The following EFR3B variants were observed in gnomAD, a reference collection of about 807,000 sequenced individuals.
The protein encoded by EFR3B is protein EFR3 homolog B.
In EFR3B, 64 loss-of-function variants were observed where a neutral mutation model predicts 104.7. The ratio of observed to expected loss-of-function variants is 0.61; its 90% CI spans 0.50 to 0.75. The LOEUF is 0.75. Among genes scored for constraint, EFR3B ranks in the 30% least tolerant of loss-of-function variants. The probability of loss-of-function intolerance (pLI) is 0.00; values close to 1 mark genes in which losing one functional copy is unlikely to be tolerated. For synonymous variants in EFR3B, 385 were observed against 417.9 expected (o/e 0.92, Z 0.96); for missense variants, 750 against 1,078.5 (o/e 0.70, Z 4.27).
intron 5 of EFR3B, 63 bp from the exon 6 acceptor site, chr2:25,128,120 A>C: frequency 6.5e-7 from 1 of 1,537,556 alleles, no homozygotes; most frequent in Non-Finnish European, 8.8e-7. Context: ...TCTCTTAGCC[A>C]CCGAAGCTGG....
rs1669261891 is a variant in EFR3B, at chr2:25,095,867, G to T, written c.212+2737G>T. 2.6e-5 allele frequency among the ~76,000 whole-genome samples: 4 copies of T among 152,100 alleles called. No homozygotes were observed. The South Asian group carries it at 8.3e-4, about 32-fold the overall frequency. On this transcript the variant is annotated intron_variant, in intron 3 of 22. Coordinates refer to ENST00000403714, the MANE Select transcript of EFR3B (RefSeq NM_014971.2). ...CACAATAAAAAACATGAACTGCAGA[G>T]CACGTTGTGTTTGCTCCCCAACCAT...
chr2:25,125,723 A>C (rs34517663), intron 5 of EFR3B, among the ~76,000 whole-genome samples: 2,010 of 152,202 alleles, frequency 0.013, 24 homozygotes, highest in Non-Finnish European at 0.016. Context: ...CCAAGGCGGG[A>C]GGATCACAAG....
chr2:25,141,040 C>CAAAA (rs78559860), intron 16 of EFR3B, among the ~76,000 whole-genome samples: 3 of 74,392 alleles, frequency 4.0e-5, no homozygotes, highest in African/African-American at 5.8e-5. Flanking sequence ...GACTCCGTCT[C>CAAAA]AAAAAAAAAA....
At chr2:25,142,890 C>T (rs1670710594) in intron 17 of EFR3B, among the ~76,000 whole-genome samples, 1 of 150,294 alleles carries the variant, frequency 6.7e-6, no homozygotes. Flanking sequence ...TATGATGGTG[C>T]CTGTGAATAG....
intron 3 of EFR3B, among the ~76,000 whole-genome samples, chr2:25,099,411 A>G (rs925859812): frequency 2.6e-5 from 4 of 152,178 alleles, no homozygotes; most frequent in Non-Finnish European, 2.9e-5. Flanking sequence ...TATTTGAAAG[A>G]CATTCTGTGG....
Position 25,081,002 on chromosome 2 carries a change from A to G in EFR3B, c.8-10323A>G, listed in dbSNP as rs987037827. 5 of 757,336 alleles carry G rather than the reference A, an allele frequency of 6.6e-6. No individual in the cohort carries two copies. The African/African-American group carries it at 6.8e-5, about 10-fold the overall frequency. 46.9% of individuals were successfully genotyped at this position (757,336 alleles called of 1,614,324 possible). A position where few individuals can be genotyped will look rare whatever the true frequency, so the allele number is the denominator to read the frequency against. On this transcript the variant is annotated intron_variant, in intron 1 of 22. Coordinates refer to ENST00000403714, the MANE Select transcript of EFR3B (RefSeq NM_014971.2). The stretch of plus-strand genomic sequence containing the variant: ...CAATATCAACAGGTTCTTTAATTGC[A>G]TCAGGAGTCTCAGCAGCAACATCTG...
chr2:25,080,282 G>GATTTTTTTTTTTTTTTTTT, intron 1 of EFR3B: 1 of 177,034 alleles, frequency 5.6e-6, no homozygotes, highest in Non-Finnish European at 9.9e-6. Context: ...CCTCCCCAAA[G>GATTTTTTTTTTTTTTTTTT]CTTTTTTTTT....
chr2:25,119,155 A>G (rs1308687033), intron 4 of EFR3B, among the ~76,000 whole-genome samples: 2 of 152,212 alleles, frequency 1.3e-5, no homozygotes, highest in African/African-American at 4.8e-5. Context: ...TTCGAAGTAG[A>G]CATAGTATAT....
At chr2:25,098,868 G>T (rs1669354988) in intron 3 of EFR3B, among the ~76,000 whole-genome samples, 1 of 101,934 alleles carries the variant, frequency 9.8e-6, no homozygotes, top group African/African-American at 3.8e-5. Flanking sequence ...CTGTTGCAAA[G>T]GATGGTTTTT....
rs1002111822 is a variant in EFR3B, at chr2:25,151,922, G to A, written c.2200G>A (p.Val734Ile). 47 of 1,551,628 alleles carry A rather than the reference G, an allele frequency of 3.0e-5. No homozygotes were observed. The highest frequency in any genetic ancestry group is 5.9e-5 in the Admixed American group (3 of 50,986). Residue 734 changes from valine (V) to isoleucine (I), a missense_variant, in exon 21 of 23, where the codon GTA becomes ATA. Transcript: ENST00000403714. ...ETLKKAIVDS[V>I]AVEEQERERR... ...AGCTCTCTGTGTCGAAGTGGACAGC[G>A]TAGCAGTGGAGGAGCAGGAGCGTGA...
Position 25,136,293 on chromosome 2 carries a change from C to T in EFR3B, c.1485-230C>T, listed in dbSNP as rs1670513254. On this transcript the variant is annotated intron_variant, in intron 13 of 22. Coordinates refer to ENST00000403714, the MANE Select transcript of EFR3B (RefSeq NM_014971.2). The surrounding 1 kb of genome is among the most constrained non-coding windows in gnomAD (Gnocchi z 4.0). ...TGATTATGGAACAACTACACTCCAG[C>T]CTAGGTGACAGAATAAGACCCTGTC... Among the ~76,000 whole-genome samples the T allele has an allele frequency of 6.6e-6, 1 of 151,946 alleles. No individual in the cohort carries two copies. The highest frequency in any genetic ancestry group is 2.4e-5 in the African/African-American group (1 of 41,362).
In EFR3B at chr2:25,114,674, TC is replaced by T. The variant is rs1217692904; in HGVS notation, c.364-6995del. Among the ~76,000 whole-genome samples the T allele has an allele frequency of 3.3e-5, 5 of 152,102 alleles. No homozygotes were observed. Among genetic ancestry groups the T allele is most frequent in the African/African-American group, 9.7e-5 (4 of 41,418 alleles). The stretch of plus-strand genomic sequence containing the variant: ...GTTCAAGCCCAAACCACCCCAGTTC[TC>T]CCCTTCAGAGGAAGTGGCTGTCCAT... On this transcript the variant is annotated intron_variant, in intron 4 of 22. Transcript: ENST00000403714. The surrounding 1 kb of genome is among the most constrained non-coding windows in gnomAD (Gnocchi z 4.0).
At chr2:25,107,294 G>A (rs910138817) in intron 4 of EFR3B, among the ~76,000 whole-genome samples, 2 of 152,236 alleles carry the variant, frequency 1.3e-5, no homozygotes, top group Admixed American at 1.3e-4. Flanking sequence ...TCAAGAAAAA[G>A]CCTCACCCTG....
intron 13 of EFR3B, 81 bp downstream of exon 13, chr2:25,135,720 C>A: frequency 6.8e-7 from 1 of 1,473,148 alleles, no homozygotes; most frequent in Non-Finnish European, 9.2e-7. Context: ...GTCCTGTCCT[C>A]ACACCCAGGT....
chr2:25,071,054 G>A (rs558377142), intron 1 of EFR3B, among the ~76,000 whole-genome samples: 4 of 151,362 alleles, frequency 2.6e-5, no homozygotes, highest in Non-Finnish European at 5.9e-5. Context: ...TCCGCCTCCC[G>A]GGTTCATGCC....
At chr2:25,088,920 T>C (rs994192048) in intron 1 of EFR3B, among the ~76,000 whole-genome samples, 6 of 152,098 alleles carry the variant, frequency 3.9e-5, no homozygotes, top group Non-Finnish European at 8.8e-5. Flanking sequence ...CTTTAGGCCT[T>C]CTTACCTCCT....
rs1671107264 is a variant in EFR3B at position 25,154,538 on chromosome 2, A to C, written c.*198A>C. On this transcript the variant is annotated 3_prime_UTR_variant, in exon 23 of 23. Transcript: ENST00000403714. The surrounding 1 kb of genome is among the most constrained non-coding windows in gnomAD (Gnocchi z 4.1). ...ACCTCCTCCTCGTCTTCCCTGAGGGAGGTCTCACCAATCAGCATCTCACCT... is the reference window on the plus strand; with the variant it reads ...ACCTCCTCCTCGTCTTCCCTGAGGGCGGTCTCACCAATCAGCATCTCACCT... 3.5e-6 allele frequency: 2 copies of C among 568,432 alleles called. No homozygotes were observed. The highest frequency in any genetic ancestry group is 4.6e-5 in the South Asian group (2 of 43,700). 35.2% of individuals were successfully genotyped at this position (568,432 alleles called of 1,614,324 possible).
intron 1 of EFR3B, chr2:25,080,282 G>GGTTTTTTTTTTTTTTTTTTT (rs1668756429): frequency 5.7e-6 from 1 of 176,116 alleles, no homozygotes; most frequent in Non-Finnish European, 9.9e-6. Flanking sequence ...CCTCCCCAAA[G>GGTTTTTTTTTTTTTTTTTTT]CTTTTTTTTT....
intron 3 of EFR3B, among the ~76,000 whole-genome samples, chr2:25,101,463 C>T (rs556940404): frequency 6.6e-6 from 1 of 152,340 alleles, no homozygotes; most frequent in Admixed American, 6.5e-5. Context: ...GATCCTCCCA[C>T]TTCAGCCTTT....
Sources: allele counts gnomAD v4.1 joint callset (sites outside exome capture counted in the v4.1 genomes callset), GRCh38; gene constraint gnomAD v4.1.1; non-coding constraint Gnocchi (gnomAD v3.1); transcripts MANE v1.5; gene names NCBI Gene and HGNC (gene_info 2026-07-23, HGNC 2026-07-21).